ADGRL3: variants seen among roughly 807,000 people sequenced by gnomAD.
The protein encoded by ADGRL3 is adhesion G protein-coupled receptor L3.
ADGRL3 carries 62 observed loss-of-function variants against 153.5 expected under a neutral mutation model. That is an observed-to-expected ratio of 0.40 (90% CI 0.33 to 0.50). The LOEUF is 0.50. Ranked by LOEUF, ADGRL3 falls within the 20% of genes least tolerant of loss-of-function variation. The pLI is 0.47. For missense variants in ADGRL3, 1,641 were observed against 1,859.4 expected (o/e 0.88, Z 2.16); for synonymous variants, 710 against 672.5 (o/e 1.06, Z -0.86).
At chr4:61,545,171 A>G (rs2098707915) in intron 4 of ADGRL3, among the ~76,000 whole-genome samples, 1 of 152,174 alleles carries the variant, frequency 6.6e-6, no homozygotes. Flanking sequence ...AACGGAAGTC[A>G]GCATATCATA....
At chr4:61,232,598 C>T (rs192421093) in intron 1 of ADGRL3, among the ~76,000 whole-genome samples, 15 of 152,108 alleles carry the variant, frequency 9.9e-5, no homozygotes, top group African/African-American at 2.9e-4. Flanking sequence ...TGTGAGCCAC[C>T]GTGCCCAGCC....
chr4:61,632,289 C>T (rs894451316), intron 5 of ADGRL3, among the ~76,000 whole-genome samples: 1 of 151,890 alleles, frequency 6.6e-6, no homozygotes, highest in Non-Finnish European at 1.5e-5. Context: ...AAATAAATGT[C>T]TATATATATA....
chr4:61,926,131 T>A (rs1259923772), intron 13 of ADGRL3, among the ~76,000 whole-genome samples: 1 of 152,054 alleles, frequency 6.6e-6, no homozygotes, highest in Non-Finnish European at 1.5e-5. Context: ...ATAGAAAAGA[T>A]ACAGTAAAAA....
intron 2 of ADGRL3, among the ~76,000 whole-genome samples, chr4:61,488,073 C>T (rs985989379): frequency 6.6e-6 from 1 of 151,848 alleles, no homozygotes. Flanking sequence ...GATCCTGTGT[C>T]GAACATTAAT....
chr4:61,210,725 A>G (rs6854914), intron 1 of ADGRL3, among the ~76,000 whole-genome samples: 65,182 of 151,944 alleles, frequency 0.43, 14,300 homozygotes, highest in Middle Eastern at 0.54. Context: ...TGATTTGTCA[A>G]TGGCTTATGG....
At chr4:61,327,323 C>T (rs112896938) in intron 1 of ADGRL3, among the ~76,000 whole-genome samples, 1,734 of 122,528 alleles carry the variant, frequency 0.014, 31 homozygotes, top group African/African-American at 0.044. Flanking sequence ...TTGAGTTTTA[C>T]TCAGTTTTTT....
chr4:61,324,603 A>T, intron 1 of ADGRL3, among the ~76,000 whole-genome samples: 1 of 152,316 alleles, frequency 6.6e-6, no homozygotes, highest in African/African-American at 2.4e-5. Flanking sequence ...TTGTTTTTAT[A>T]ATTTTTATTG....
intron 9 of ADGRL3, among the ~76,000 whole-genome samples, chr4:61,838,929 TA>T (rs2097979662): frequency 1.3e-5 from 2 of 152,178 alleles, no homozygotes; most frequent in African/African-American, 4.8e-5. Context: ...AAATCTAAGT[TA>T]AATGCCAGTT....
chr4:62,070,516 C>T lies in ADGRL3; in HGVS notation c.4240C>T (p.His1414Tyr), dbSNP rs1050315582. 2 of 1,551,330 alleles carry T rather than the reference C, an allele frequency of 1.3e-6. No homozygotes were observed. Among genetic ancestry groups the T allele is most frequent in the Non-Finnish European group, 1.7e-6 (2 of 1,146,898 alleles). ...CCCAAGAGTATACTCCACCGAGAAC[C>T]ACCAGCCACACCATTATACCAGAAG... is the stretch of plus-strand genomic sequence containing the variant. Reference protein sequence around the residue: ...LPPRVYSTENHQPHHYTRRRI... With the variant: ...LPPRVYSTENYQPHHYTRRRI... The change falls in exon 27 of 27, where the codon CAC becomes TAC. Residue 1414 changes from histidine (H) to tyrosine (Y), a missense_variant. Coordinates refer to ENST00000683033, the MANE Select transcript of ADGRL3 (RefSeq NM_001387552.1).
chr4:62,070,689 C>T lies in ADGRL3; in HGVS notation c.4413C>T (p.Ser1471=). ...CCGCCACAGAGAGTGTTACCACCAGCACCCAGACCGAACCCCCACCGGCCA... is the reference window on the plus strand; with the variant it reads ...CCGCCACAGAGAGTGTTACCACCAGTACCCAGACCGAACCCCCACCGGCCA... ...GVAATESVTT[S]TQTEPPPAKC... Residue 1471 remains serine (S), a synonymous_variant, in exon 27 of 27, where the codon AGC becomes AGT. Transcript: ENST00000683033. 1 of 1,551,618 alleles carries T rather than the reference C, an allele frequency of 6.4e-7. No homozygotes were observed. The highest frequency in any genetic ancestry group is 8.7e-7 in the Non-Finnish European group (1 of 1,146,976).
chr4:62,050,961 C>A (rs1443639513), intron 25 of ADGRL3, among the ~76,000 whole-genome samples: 1 of 151,520 alleles, frequency 6.6e-6, no homozygotes, highest in East Asian at 1.9e-4. Flanking sequence ...TATAAGTATT[C>A]AATGACATAG....
rs555396673 is a variant in ADGRL3, at chr4:61,973,209, T to A, written c.2806-6354T>A. Among the ~76,000 whole-genome samples, 5 of 152,084 alleles carry A rather than the reference T, an allele frequency of 3.3e-5. No individual in the cohort carries two copies. In the South Asian group the frequency reaches 6.2e-4, roughly 19 times the overall value. ...TAGTGTACTTTATGTGATTATTATT[T>A]TTTTTAAATCATAAGGCAAAAGTCA... is the stretch of plus-strand genomic sequence containing the variant. On this transcript the variant is annotated intron_variant, in intron 17 of 26. Transcript: ENST00000683033.
chr4:61,355,303 T>C (rs1235712709), intron 1 of ADGRL3, among the ~76,000 whole-genome samples: 1 of 152,128 alleles, frequency 6.6e-6, no homozygotes, highest in Admixed American at 6.5e-5. Context: ...TCCATTTTAC[T>C]TTAAGCCTCT....
chr4:61,350,848 T>C (rs1446382430), intron 1 of ADGRL3, among the ~76,000 whole-genome samples: 1 of 152,094 alleles, frequency 6.6e-6, no homozygotes, highest in Admixed American at 6.6e-5. Context: ...TTTTCCCCCC[T>C]CTGTGCCCTG....
rs1229402579 is a variant in ADGRL3, at chr4:61,224,183, T to G, written c.-240+22418T>G. ...CTAATAACTACAATAACTACTTTTATCTTTACTCTTTCAGCTTCCAGACAA... is the reference window on the plus strand; with the variant it reads ...CTAATAACTACAATAACTACTTTTAGCTTTACTCTTTCAGCTTCCAGACAA... On this transcript the variant is annotated intron_variant, in intron 1 of 26. Coordinates refer to ENST00000683033, the MANE Select transcript of ADGRL3 (RefSeq NM_001387552.1). 2.0e-5 allele frequency among the ~76,000 whole-genome samples: 3 copies of G among 152,166 alleles called. 1 individual carries two copies. Among genetic ancestry groups the G allele is most frequent in the Admixed American group, 2.0e-4 (3 of 15,268 alleles).
At chr4:61,711,199 G>A (rs933325626) in intron 6 of ADGRL3, among the ~76,000 whole-genome samples, 4 of 151,890 alleles carry the variant, frequency 2.6e-5, no homozygotes, top group Non-Finnish European at 5.9e-5. Flanking sequence ...TCTCATAAAA[G>A]ACATATTGCA....
chr4:62,015,019 C>A (rs1360913987), intron 21 of ADGRL3, among the ~76,000 whole-genome samples: 1 of 152,098 alleles, frequency 6.6e-6, no homozygotes, highest in Admixed American at 6.5e-5. Context: ...TTGAAAAGTG[C>A]TGAAAGTATA....
chr4:61,544,257 AT>A (rs1242889425), intron 4 of ADGRL3, among the ~76,000 whole-genome samples: 1 of 152,110 alleles, frequency 6.6e-6, no homozygotes, highest in African/African-American at 2.4e-5. Context: ...GTTTTCTGAT[AT>A]TTTTTATATA....
intron 1 of ADGRL3, among the ~76,000 whole-genome samples, chr4:61,320,345 T>C (rs2095329416): frequency 6.6e-6 from 1 of 152,214 alleles, no homozygotes; most frequent in African/African-American, 2.4e-5. Context: ...GTGTCATTCC[T>C]ACTTGTGTTA....
Sources: allele counts gnomAD v4.1 joint callset (sites outside exome capture counted in the v4.1 genomes callset), GRCh38; gene constraint gnomAD v4.1.1; transcripts MANE v1.5; gene names NCBI Gene and HGNC (gene_info 2026-07-23, HGNC 2026-07-21).